ROBO2: variants seen among roughly 807,000 people sequenced by gnomAD.
The protein encoded by ROBO2 is roundabout guidance receptor 2, also known as roundabout homolog 2.
A neutral mutation model predicts 160.8 loss-of-function variants in ROBO2; 53 were observed. The ratio of observed to expected loss-of-function variants is 0.33; its 90% CI spans 0.26 to 0.41. The LOEUF (loss-of-function observed/expected upper bound fraction) is 0.41. ROBO2 is among the 10% of genes least tolerant of loss of function. The pLI is 1.00. For missense variants in ROBO2, 1,577 were observed against 1,722.4 expected (o/e 0.92, Z 1.49); for synonymous variants, 664 against 611.7 (o/e 1.09, Z -1.26).
chr3:76,650,037 C>G (rs9867631), intron 2 of ROBO2, among the ~76,000 whole-genome samples: 4,489 of 152,114 alleles, frequency 0.03, 212 homozygotes, highest in African/African-American at 0.1. Flanking sequence ...TGCCAACAAA[C>G]GTATTACCCA....
chr3:76,544,738 T>G (rs1219333406), intron 2 of ROBO2, among the ~76,000 whole-genome samples: 1 of 152,044 alleles, frequency 6.6e-6, no homozygotes, highest in African/African-American at 2.4e-5. Context: ...TTCAATTTCC[T>G]GTGCCTCTGT....
chr3:77,458,901 G>A (rs966905099), intron 2 of ROBO2, among the ~76,000 whole-genome samples: 2 of 151,896 alleles, frequency 1.3e-5, no homozygotes, highest in Admixed American at 6.6e-5. Context: ...TTCAAATCCT[G>A]GCCACTTTTA....
At chr3:77,323,065 A>T (rs2064976294) in intron 2 of ROBO2, among the ~76,000 whole-genome samples, 1 of 145,468 alleles carries the variant, frequency 6.9e-6, no homozygotes, top group African/African-American at 2.5e-5. Context: ...ATATTATATT[A>T]TATTATGGAT....
intron 21 of ROBO2, among the ~76,000 whole-genome samples, chr3:77,609,791 C>CATATATATATAT (rs34908269): frequency 3.3e-4 from 47 of 143,684 alleles, no homozygotes; most frequent in African/African-American, 1.1e-3. Context: ...TTTATATATA[C>CATATATATATAT]ATATATATAT....
At chr3:77,544,020 CAA>C (rs988202775) in intron 6 of ROBO2, among the ~76,000 whole-genome samples, 20 of 151,690 alleles carry the variant, frequency 1.3e-4, no homozygotes, top group African/African-American at 4.6e-4. Context: ...TATAGGATCA[CAA>C]AGAGATAACT....
intron 2 of ROBO2, among the ~76,000 whole-genome samples, chr3:76,647,602 T>C (rs1457209235): frequency 6.6e-6 from 1 of 152,202 alleles, no homozygotes; most frequent in Non-Finnish European, 1.5e-5. Context: ...TAATATAACC[T>C]TGAGGCAAAA....
At chr3:77,394,050 T>C (rs1470297349) in intron 2 of ROBO2, among the ~76,000 whole-genome samples, 4 of 152,168 alleles carry the variant, frequency 2.6e-5, no homozygotes, top group Non-Finnish European at 5.9e-5. Flanking sequence ...TAACTGCTTC[T>C]AATCCCAAAT....
chr3:76,272,830 A>AATATATAAT (rs1576202035), intron 2 of ROBO2, among the ~76,000 whole-genome samples: 5 of 6,460 alleles, frequency 7.7e-4, no homozygotes, highest in Non-Finnish European at 1.6e-3. Context: ...TTATATATAA[A>AATATATAAT]ATATATATAT....
chr3:77,522,388 TA>T (rs1180067317), intron 5 of ROBO2, among the ~76,000 whole-genome samples: 2 of 151,264 alleles, frequency 1.3e-5, no homozygotes, highest in Non-Finnish European at 3.0e-5. Context: ...TGCCTAAAAA[TA>T]AATCATAGTA....
At chr3:77,168,372 G>T (rs1348748883) in intron 2 of ROBO2, among the ~76,000 whole-genome samples, 1 of 152,134 alleles carries the variant, frequency 6.6e-6, no homozygotes, top group East Asian at 1.9e-4. Flanking sequence ...TACTTTTAAG[G>T]AGTTATCTGG....
At chr3:77,581,899 G>T (rs1326014252) in intron 16 of ROBO2, among the ~76,000 whole-genome samples, 2 of 151,936 alleles carry the variant, frequency 1.3e-5, no homozygotes, top group African/African-American at 4.8e-5. Context: ...ATAAGTTTGT[G>T]TTTCATGTTT....
intron 2 of ROBO2, among the ~76,000 whole-genome samples, chr3:76,545,412 G>T (rs936568355): frequency 1.3e-5 from 2 of 151,896 alleles, no homozygotes; most frequent in Middle Eastern, 3.2e-3. Context: ...CCATGTTTCT[G>T]TCAAAGTGAT....
intron 2 of ROBO2, among the ~76,000 whole-genome samples, chr3:76,369,059 T>G (rs1173146290): frequency 1.3e-5 from 2 of 151,974 alleles, no homozygotes; most frequent in African/African-American, 4.8e-5. Context: ...CCATTCACCT[T>G]CAAACTTCTC....
At chr3:76,866,424 T>G (rs998224772) in intron 2 of ROBO2, among the ~76,000 whole-genome samples, 4 of 152,180 alleles carry the variant, frequency 2.6e-5, no homozygotes, top group Admixed American at 2.6e-4. Flanking sequence ...TTATTTTTCC[T>G]CTAGCTTTAT....
chr3:77,372,313 C>T lies in ROBO2; in HGVS notation c.389-105101C>T, dbSNP rs542854078. Among the ~76,000 whole-genome samples the T allele has an allele frequency of 2.6e-5, 4 of 152,190 alleles. No homozygotes were observed. The South Asian group carries it at 8.3e-4, about 32-fold the overall frequency. On this transcript the variant is annotated intron_variant, in intron 2 of 25. Transcript: ENST00000461745. The stretch of plus-strand genomic sequence containing the variant: ...TTAAACGGAAAAGAGATGCATAAAT[C>T]AATATCGTCTCTATTTTGAGGGCTA...
intron 2 of ROBO2, among the ~76,000 whole-genome samples, chr3:77,193,580 C>G (rs2082071723): frequency 6.6e-6 from 1 of 152,066 alleles, no homozygotes; most frequent in Non-Finnish European, 1.5e-5. Flanking sequence ...TATGTACTTA[C>G]ATTAACCAAG....
intron 2 of ROBO2, among the ~76,000 whole-genome samples, chr3:77,257,041 G>A (rs567935119): frequency 6.6e-6 from 1 of 152,194 alleles, no homozygotes; most frequent in Non-Finnish European, 1.5e-5. Context: ...CTGGAGCGAG[G>A]TTTCATATTA....
intron 9 of ROBO2, 72 bp downstream of exon 10, chr3:77,558,221 T>A: frequency 1.6e-6 from 2 of 1,266,364 alleles, no homozygotes; most frequent in Non-Finnish European, 2.3e-6. Flanking sequence ...AATTGCATAG[T>A]GAACTTAAAA....
At chr3:75,907,470 C>T (rs1241028085) in intron 1 of ROBO2, among the ~76,000 whole-genome samples, 1 of 152,070 alleles carries the variant, frequency 6.6e-6, no homozygotes, top group East Asian at 1.9e-4. Context: ...ACTTCAGGTT[C>T]CTTTGCTCTG....
Sources: allele counts gnomAD v4.1 joint callset (sites outside exome capture counted in the v4.1 genomes callset), GRCh38; gene constraint gnomAD v4.1.1; transcripts MANE v1.5; gene names NCBI Gene and HGNC (gene_info 2026-07-23, HGNC 2026-07-21).